The following USP25 variants were observed in gnomAD, a reference collection of about 807,000 sequenced individuals.
USP25 encodes ubiquitin specific peptidase 25.
Under a neutral mutation model 158.5 loss-of-function variants are expected in USP25, and 85 were observed. That is an observed-to-expected ratio of 0.54 (90% CI 0.45 to 0.64). The LOEUF (loss-of-function observed/expected upper bound fraction) is 0.64. Among genes scored for constraint, USP25 ranks in the 30% least tolerant of loss-of-function variants. The pLI, the probability that USP25 is intolerant of heterozygous loss-of-function variation, is 0.00. For missense variants in USP25, 1,242 were observed against 1,327.3 expected, an observed-to-expected ratio of 0.94 and a Z score of 1.00; for synonymous variants, 464 against 460.4, an observed-to-expected ratio of 1.01 and a Z score of -0.10.
At position 15,766,901 on chromosome 21, in the gene USP25, CAA is replaced by C. The variant is rs2034070684; in HGVS notation, c.268+762_268+763del. Among the ~76,000 whole-genome samples the C allele has an allele frequency of 6.6e-6, 1 of 151,926 alleles. No homozygotes were observed. Reference sequence around the variant, plus strand: ...TTCTTATTTTGTTTATAGACATTCTCAAAGTTAGGAAGCAACCAGAAAAGAGT... The same window carrying C: ...TTCTTATTTTGTTTATAGACATTCTCAGTTAGGAAGCAACCAGAAAAGAGT... On this transcript the variant is annotated intron_variant, in intron 3 of 25. Transcript: ENST00000400183. The surrounding 1 kb of genome is among the most constrained non-coding windows in gnomAD (Gnocchi z 4.0).
intron 20 of USP25, among the ~76,000 whole-genome samples, chr21:15,859,611 G>A (rs1029111078): frequency 6.6e-6 from 1 of 152,076 alleles, no homozygotes; most frequent in African/African-American, 2.4e-5. Flanking sequence ...TATCTTTCGT[G>A]TTACCAGATT....
intron 1 of USP25, among the ~76,000 whole-genome samples, chr21:15,756,252 T>C (rs373773023): frequency 4.6e-5 from 7 of 152,218 alleles, no homozygotes; most frequent in African/African-American, 1.4e-4. Flanking sequence ...CGTCCCTCAG[T>C]CAGATAAGGG....
At chr21:15,775,401 A>C (rs1357209553) in intron 3 of USP25, among the ~76,000 whole-genome samples, 1 of 152,190 alleles carries the variant, frequency 6.6e-6, no homozygotes, top group Non-Finnish European at 1.5e-5. Context: ...TCTAGCTCAG[A>C]CTTCTGAAAT....
intron 3 of USP25, among the ~76,000 whole-genome samples, chr21:15,771,599 T>G (rs975770616): frequency 6.6e-6 from 1 of 152,130 alleles, no homozygotes; most frequent in African/African-American, 2.4e-5. Flanking sequence ...TCTGATCTCT[T>G]GCTGCACATC....
intron 6 of USP25, among the ~76,000 whole-genome samples, chr21:15,803,748 A>G (rs148655237): frequency 2.4e-3 from 361 of 152,018 alleles, no homozygotes; most frequent in African/African-American, 8.3e-3. Context: ...TTTGAAAGTA[A>G]TTTTGTGGAT....
intron 2 of USP25, among the ~76,000 whole-genome samples, chr21:15,765,426 G>A (rs531908340): frequency 6.6e-6 from 1 of 152,098 alleles, no homozygotes; most frequent in South Asian, 2.1e-4. Context: ...TTTAATTTGA[G>A]CAGGATTGTC....
intron 22 of USP25, among the ~76,000 whole-genome samples, chr21:15,866,874 GC>G (rs141361458): frequency 6.6e-6 from 1 of 152,242 alleles, no homozygotes; most frequent in African/African-American, 2.4e-5. Flanking sequence ...GGTTTTCACA[GC>G]CACAAGTTTA....
chr21:15,734,255 A>G (rs1308363996), intron 1 of USP25, among the ~76,000 whole-genome samples: 2 of 152,258 alleles, frequency 1.3e-5, no homozygotes, highest in Admixed American at 1.3e-4. Flanking sequence ...TTGAAAAACA[A>G]TGCAGACTGG....
intron 6 of USP25, among the ~76,000 whole-genome samples, chr21:15,800,660 A>C (rs538273830): frequency 6.6e-6 from 1 of 151,614 alleles, no homozygotes; most frequent in East Asian, 1.9e-4. Context: ...ATCTTGTCAT[A>C]AACAATCTGT....
intron 4 of USP25, among the ~76,000 whole-genome samples, chr21:15,778,438 T>C (rs1291340701): frequency 1.3e-5 from 2 of 152,156 alleles, no homozygotes; most frequent in African/African-American, 2.4e-5. Flanking sequence ...TCTGGTGTCA[T>C]AACGCAAAAG....
chr21:15,790,694 A>G (rs935961618), intron 4 of USP25, among the ~76,000 whole-genome samples: 1 of 149,184 alleles, frequency 6.7e-6, no homozygotes, highest in Non-Finnish European at 1.5e-5. Flanking sequence ...CAAGTAACAC[A>G]TTTCTTGAGC....
intron 1 of USP25, among the ~76,000 whole-genome samples, chr21:15,748,039 T>C (rs977500735): frequency 6.6e-6 from 1 of 152,226 alleles, no homozygotes; most frequent in Non-Finnish European, 1.5e-5. Flanking sequence ...TCTCATTTAT[T>C]GCCCTCTAAG....
rs2037821938 is a variant in USP25, at chr21:15,831,884, C to G, written c.1993+255C>G. 3.3e-5 allele frequency among the ~76,000 whole-genome samples: 5 copies of G among 152,134 alleles called. No individual in the cohort carries two copies. The South Asian group carries it at 1.0e-3, about 32-fold the overall frequency. On this transcript the variant is annotated intron_variant, in intron 16 of 25. Transcript: ENST00000400183. Reference sequence around the variant, plus strand: ...GCTAAAAATGCTTTAGTGACTGTTCCACAGATTGACTCACATTTAATATTT... The same window carrying G: ...GCTAAAAATGCTTTAGTGACTGTTCGACAGATTGACTCACATTTAATATTT...
At chr21:15,837,798 T>A (rs2038128181) in intron 17 of USP25, among the ~76,000 whole-genome samples, 1 of 152,166 alleles carries the variant, frequency 6.6e-6, no homozygotes, top group Non-Finnish European at 1.5e-5. Flanking sequence ...GAGTTGGCTC[T>A]GGAACTTCTC....
rs575525272 is a variant in USP25, at chr21:15,782,152, G to A, written c.392+4125G>A. 7.2e-5 allele frequency among the ~76,000 whole-genome samples: 11 copies of A among 152,308 alleles called. No homozygotes were observed. The East Asian group carries it at 1.5e-3, about 21-fold the overall frequency. On this transcript the variant is annotated intron_variant, in intron 4 of 25. Coordinates refer to ENST00000400183, the MANE Select transcript of USP25 (RefSeq NM_001283041.3). The stretch of plus-strand genomic sequence containing the variant: ...GGGAAGCAGGTGGGCCTGCATGGCC[G>A]GGCAGCCCCATGCGGCCACCAGGCT...
At chr21:15,859,257 A>G (rs375624521) in intron 20 of USP25, among the ~76,000 whole-genome samples, 1 of 150,428 alleles carries the variant, frequency 6.6e-6, no homozygotes, top group Non-Finnish European at 1.5e-5. Context: ...CAGTGGTGCC[A>G]TCTTGGCTCA....
chr21:15,761,262 G>T (rs976533606), intron 1 of USP25, among the ~76,000 whole-genome samples: 3 of 152,128 alleles, frequency 2.0e-5, no homozygotes, highest in Non-Finnish European at 4.4e-5. Flanking sequence ...GACTGTCAGG[G>T]TTTACACTGT....
At chr21:15,824,335 A>G (rs1479721093) in intron 11 of USP25, among the ~76,000 whole-genome samples, 169 bp downstream of exon 11, 2 of 152,290 alleles carry the variant, frequency 1.3e-5, no homozygotes, top group East Asian at 3.9e-4. Context: ...TTAGAAAAGT[A>G]TAGTTTTTGG....
At chr21:15,764,799 T>A (rs2033939017) in intron 2 of USP25, among the ~76,000 whole-genome samples, 1 of 152,146 alleles carries the variant, frequency 6.6e-6, no homozygotes, top group Non-Finnish European at 1.5e-5. Flanking sequence ...CTAATGATCA[T>A]GACAGATAGC....
Sources: allele counts gnomAD v4.1 joint callset (sites outside exome capture counted in the v4.1 genomes callset), GRCh38; gene constraint gnomAD v4.1.1; non-coding constraint Gnocchi (gnomAD v3.1); transcripts MANE v1.5; gene names NCBI Gene and HGNC (gene_info 2026-07-23, HGNC 2026-07-21).